Variants in CCNY observed in about 807,000 individuals in gnomAD.
CCNY encodes the protein cyclin-Y.
Under a neutral mutation model 42.8 loss-of-function variants are expected in CCNY, and 19 were observed. The ratio of observed to expected loss-of-function variants is 0.44; its 90% CI spans 0.31 to 0.65. The LOEUF is 0.65. Among genes scored for constraint, CCNY ranks in the 30% least tolerant of loss-of-function variants. CCNY has a pLI of 0.07. For synonymous variants in CCNY, 165 were observed against 162.7 expected (o/e 1.01, Z -0.11); for missense variants, 370 against 437.3 (o/e 0.85, Z 1.37).
chr10:35,517,185 T>A (rs116447517), intron 4 of CCNY, among the ~76,000 whole-genome samples: 1 of 152,152 alleles, frequency 6.6e-6, no homozygotes, highest in African/African-American at 2.4e-5. Flanking sequence ...TAATTCCATA[T>A]TTTTAAATGG....
At chr10:35,413,238 G>A (rs926948531) in intron 1 of CCNY, among the ~76,000 whole-genome samples, 2 of 152,074 alleles carry the variant, frequency 1.3e-5, no homozygotes, top group South Asian at 2.1e-4. Flanking sequence ...GGAAAAGGTC[G>A]GACACATTCC....
chr10:35,374,223 A>G (rs546063170), intron 1 of CCNY, among the ~76,000 whole-genome samples: 2 of 152,210 alleles, frequency 1.3e-5, no homozygotes, highest in Admixed American at 6.5e-5. Context: ...TGAAGTGTAC[A>G]TATTATATAG....
chr10:35,406,858 G>C (rs1202036196), intron 1 of CCNY, among the ~76,000 whole-genome samples: 1 of 151,708 alleles, frequency 6.6e-6, no homozygotes, highest in Non-Finnish European at 1.5e-5. Flanking sequence ...CGGGCGGGGG[G>C]CTGACCCCCC....
At chr10:35,402,713 T>A (rs939934529) in intron 1 of CCNY, among the ~76,000 whole-genome samples, 2 of 152,048 alleles carry the variant, frequency 1.3e-5, no homozygotes, top group South Asian at 4.2e-4. Context: ...AGAGTAAATA[T>A]AAAAGTAAAG....
intron 3 of CCNY, among the ~76,000 whole-genome samples, chr10:35,277,301 A>G (rs987744650): frequency 1.7e-4 from 26 of 152,322 alleles, no homozygotes; most frequent in Non-Finnish European, 3.7e-4. Context: ...TTTTCTTAAC[A>G]AGAAGAAACA....
At chr10:35,332,633 C>T (rs957067144), upstream of CCNY, among the ~76,000 whole-genome samples, 1 of 152,180 alleles carries the variant, frequency 6.6e-6, no homozygotes, top group African/African-American at 2.4e-5. Flanking sequence ...GAGACGGAGT[C>T]TTGCTCTGTC....
At chr10:35,428,125 G>A (rs1838309275) in intron 1 of CCNY, among the ~76,000 whole-genome samples, 1 of 152,166 alleles carries the variant, frequency 6.6e-6, no homozygotes, top group Admixed American at 6.5e-5. Flanking sequence ...CTGCATAGCA[G>A]GCATTGAGTT....
intron 1 of CCNY, among the ~76,000 whole-genome samples, chr10:35,342,138 C>G (rs941716234): frequency 6.6e-6 from 1 of 152,178 alleles, no homozygotes; most frequent in African/African-American, 2.4e-5. Context: ...GGAGGGATAA[C>G]TGGCAAAACT....
chr10:35,471,070 G>A (rs775044466), intron 1 of CCNY, among the ~76,000 whole-genome samples: 1 of 152,158 alleles, frequency 6.6e-6, no homozygotes, highest in Non-Finnish European at 1.5e-5. Context: ...TGGCCTCCCA[G>A]TTGAAACTCA....
At chr10:35,469,224 C>G (rs1238915086) in intron 1 of CCNY, among the ~76,000 whole-genome samples, 1 of 152,240 alleles carries the variant, frequency 6.6e-6, no homozygotes, top group Admixed American at 6.5e-5. Context: ...GCCGTTGACC[C>G]TGCTTTCTTG....
chr10:35,469,555 G>T (rs1025494240), intron 1 of CCNY, among the ~76,000 whole-genome samples: 7 of 138,470 alleles, frequency 5.1e-5, no homozygotes, highest in Non-Finnish European at 7.4e-5. Flanking sequence ...GAGGCAGAAC[G>T]GGAGATGGAG....
intron 8 of CCNY, among the ~76,000 whole-genome samples, chr10:35,554,130 G>A (rs949279079): frequency 6.6e-6 from 1 of 152,076 alleles, no homozygotes; most frequent in African/African-American, 2.4e-5. Flanking sequence ...ATCCTCAGAT[G>A]CAGGACCTTC....
chr10:35,525,997 C>T lies in CCNY; in HGVS notation c.399C>T (p.Asn133=). The T allele has an allele frequency of 6.2e-7, 1 of 1,610,222 alleles. No individual in the cohort carries two copies. The highest frequency in any genetic ancestry group is 8.5e-7 in the Non-Finnish European group (1 of 1,178,500). The change falls in exon 5 of 10, where the codon AAC becomes AAT. Residue 133 remains asparagine (N), a splice_region_variant and synonymous_variant. Transcript: ENST00000374704. ...TTGCAATATATTATCACATCAAAAACAGGTATGTGGATGGTTGTGTGCTAA... is the reference window on the plus strand; with the variant it reads ...TTGCAATATATTATCACATCAAAAATAGGTATGTGGATGGTTGTGTGCTAA... ...VALAIYYHIK[N]RDPDGRMLLD...
Position 35,253,422 on chromosome 10 carries a change from T to A in CCNY, c.-9+2796T>A, listed in dbSNP as rs1202620064. 3.0e-3 allele frequency among the ~76,000 whole-genome samples: 325 copies of A among 107,508 alleles called. 5 individuals are homozygous for A. The highest frequency in any genetic ancestry group is 9.7e-3 in the African/African-American group (304 of 31,480). 70.5% of individuals were successfully genotyped at this position (107,508 alleles called of 152,430 possible). Reference sequence around the variant, plus strand: ...GCACCAGCATGCTCACTATTTTTTTTTTTTTTTTTTTTTTTTTTTTTGTAG... The same window carrying A: ...GCACCAGCATGCTCACTATTTTTTTATTTTTTTTTTTTTTTTTTTTTGTAG... On this transcript the variant is annotated intron_variant, in intron 3 of 11. Transcript: ENST00000374706.
intron 1 of CCNY, among the ~76,000 whole-genome samples, chr10:35,435,965 T>G (rs1001007813): frequency 7.9e-5 from 12 of 151,746 alleles, no homozygotes; most frequent in Non-Finnish European, 1.5e-4. Context: ...GGGTGGGAGG[T>G]GGTCAGCAGA....
At chr10:35,501,425 G>C (rs1455611274) in intron 2 of CCNY, 76 bp from the exon 3 acceptor site, 20 of 1,251,504 alleles carry the variant, frequency 1.6e-5, no homozygotes, top group Non-Finnish European at 2.2e-5. Context: ...ACGACACAGA[G>C]GCCCAGTCCT....
chr10:35,345,574 T>G (rs1455232230), intron 1 of CCNY, among the ~76,000 whole-genome samples: 1 of 152,160 alleles, frequency 6.6e-6, no homozygotes, highest in Non-Finnish European at 1.5e-5. Flanking sequence ...TGAACTTATG[T>G]CATTATGAAT....
chr10:35,484,596 T>G (rs1299370526), intron 2 of CCNY, among the ~76,000 whole-genome samples: 2 of 152,096 alleles, frequency 1.3e-5, no homozygotes, highest in East Asian at 3.9e-4. Context: ...AGAAACATTT[T>G]TTTCCTCTGG....
intron 1 of CCNY, among the ~76,000 whole-genome samples, chr10:35,448,702 A>G (rs917184093): frequency 6.6e-6 from 1 of 151,676 alleles, no homozygotes; most frequent in Non-Finnish European, 1.5e-5. Context: ...TGAGGGGCAG[A>G]GGGAGTGTGG....
Sources: allele counts gnomAD v4.1 joint callset (sites outside exome capture counted in the v4.1 genomes callset), GRCh38; gene constraint gnomAD v4.1.1; transcripts MANE v1.5; gene names NCBI Gene and HGNC (gene_info 2026-07-23, HGNC 2026-07-21).